Variants in LRRIQ1 observed in about 807,000 individuals in gnomAD.
LRRIQ1 encodes the protein leucine-rich repeat- and IQ domain-containing protein 1.
LRRIQ1 carries 210 observed loss-of-function variants against 211.9 expected under a neutral mutation model. The ratio of observed to expected loss-of-function variants is 0.99; its 90% CI spans 0.89 to 1.11. LRRIQ1 has a LOEUF of 1.11. Ranked by LOEUF, LRRIQ1 falls within the 50% of genes most tolerant of loss-of-function variation. LRRIQ1 has a pLI of 0.00. For missense variants in LRRIQ1, 2,136 were observed against 1,939.5 expected, an observed-to-expected ratio of 1.10 and a Z score of -1.90; for synonymous variants, 699 against 650.1, an observed-to-expected ratio of 1.08 and a Z score of -1.14.
At chr12:85,112,317 A>G (rs1887235772) in intron 15 of LRRIQ1, among the ~76,000 whole-genome samples, 1 of 151,604 alleles carries the variant, frequency 6.6e-6, no homozygotes, top group South Asian at 2.1e-4. Flanking sequence ...TTTTATTTAC[A>G]CATAGTTTTT....
intron 19 of LRRIQ1, among the ~76,000 whole-genome samples, chr12:85,150,084 T>C (rs1890140217): frequency 6.6e-6 from 1 of 151,700 alleles, no homozygotes; most frequent in Admixed American, 6.6e-5. Flanking sequence ...AAAAAGTAGA[T>C]GGTTTGGCAG....
intron 18 of LRRIQ1, among the ~76,000 whole-genome samples, chr12:85,131,727 T>A (rs529215099): frequency 6.6e-6 from 1 of 152,196 alleles, no homozygotes; most frequent in Admixed American, 6.5e-5. Context: ...AAGTATATAG[T>A]ATGCTACAGG....
chr12:85,071,250 A>G (rs932630977), intron 10 of LRRIQ1, among the ~76,000 whole-genome samples: 1 of 151,998 alleles, frequency 6.6e-6, no homozygotes, highest in Non-Finnish European at 1.5e-5. Flanking sequence ...ATCTATATAT[A>G]TGCACGTATC....
rs76349968 is a variant in LRRIQ1, at chr12:85,127,956, A to C, written c.4132A>C (p.Thr1378Pro). Residue 1378 changes from threonine (T) to proline (P), a missense_variant, in exon 18 of 27, where the codon ACT becomes CCT. Physicochemically the swap from Thr to Pro is conservative, Grantham distance 38. Coordinates refer to ENST00000393217, the MANE Select transcript of LRRIQ1 (RefSeq NM_001079910.2). ...GCCAAATTCTTCCATCAAGAATCAG[A>C]CTATTTTAAAGAAAGGAAAAAGAGA... ...GLPNSSIKNQ[T>P]ILKKGKRENI... is the part of the protein sequence containing the mutation. The C allele has an allele frequency of 1.0e-3, 1,693 of 1,613,676 alleles. 17 individuals are homozygous for C. The African/African-American group carries it at 0.02, about 19-fold the overall frequency.
chr12:85,221,343 A>G (rs1261324652), intron 24 of LRRIQ1, among the ~76,000 whole-genome samples: 2 of 152,160 alleles, frequency 1.3e-5, no homozygotes, highest in Admixed American at 6.6e-5. Flanking sequence ...TTATTTCACA[A>G]ATATTTTTGA....
chr12:85,244,204 A>G (rs1227647268), intron 26 of LRRIQ1, among the ~76,000 whole-genome samples: 1 of 151,572 alleles, frequency 6.6e-6, no homozygotes, highest in Non-Finnish European at 1.5e-5. Context: ...AATAATTTTT[A>G]TGTTCATTAA....
At chr12:85,241,274 G>A (rs958251012) in intron 26 of LRRIQ1, among the ~76,000 whole-genome samples, 1 of 151,824 alleles carries the variant, frequency 6.6e-6, no homozygotes, top group Non-Finnish European at 1.5e-5. Context: ...GCACTTTACG[G>A]CATGTACATT....
intron 19 of LRRIQ1, among the ~76,000 whole-genome samples, chr12:85,143,101 C>G (rs1369254492): frequency 6.6e-6 from 1 of 151,492 alleles, no homozygotes; most frequent in Admixed American, 6.6e-5. Context: ...CCCTTTTGTC[C>G]ACATCCTTAC....
intron 24 of LRRIQ1, among the ~76,000 whole-genome samples, chr12:85,207,667 G>A (rs1716517096): frequency 6.6e-6 from 1 of 152,056 alleles, no homozygotes; most frequent in Non-Finnish European, 1.5e-5. Flanking sequence ...TTTTGCACTT[G>A]GGTCTATGAT....
intron 24 of LRRIQ1, among the ~76,000 whole-genome samples, chr12:85,214,298 A>T (rs1893974550): frequency 6.6e-6 from 1 of 152,114 alleles, no homozygotes. Flanking sequence ...AAATTAACTT[A>T]TGACTACAAT....
intron 24 of LRRIQ1, among the ~76,000 whole-genome samples, chr12:85,181,620 T>G (rs1891985423): frequency 6.6e-6 from 1 of 151,972 alleles, no homozygotes; most frequent in Non-Finnish European, 1.5e-5. Flanking sequence ...AAGTCAACAT[T>G]TTATCATCAC....
At chr12:85,248,690 G>T (rs943580337), downstream of LRRIQ1, among the ~76,000 whole-genome samples, 2 of 151,686 alleles carry the variant, frequency 1.3e-5, no homozygotes, top group Non-Finnish European at 2.9e-5. Context: ...AGAAAACATT[G>T]TTCAGAAGAG....
At chr12:85,267,184 C>T (rs1428703819), downstream of LRRIQ1, among the ~76,000 whole-genome samples, 2 of 152,076 alleles carry the variant, frequency 1.3e-5, no homozygotes, top group Admixed American at 1.3e-4. Flanking sequence ...AGATCTAGAT[C>T]AGCATTGTCC....
intron 19 of LRRIQ1, among the ~76,000 whole-genome samples, chr12:85,145,333 A>G (rs1461680443): frequency 6.6e-6 from 1 of 151,696 alleles, no homozygotes; most frequent in Non-Finnish European, 1.5e-5. Context: ...TCAACTGTCC[A>G]TGAAATATTT....
intron 24 of LRRIQ1, among the ~76,000 whole-genome samples, chr12:85,206,591 G>C (rs1893559993): frequency 1.3e-5 from 2 of 152,120 alleles, no homozygotes; most frequent in Admixed American, 6.5e-5. Flanking sequence ...GTGAGGGGGT[G>C]CTCCTGCATG....
intron 18 of LRRIQ1, among the ~76,000 whole-genome samples, chr12:85,134,786 C>A (rs1889007126): frequency 6.6e-6 from 1 of 151,980 alleles, no homozygotes; most frequent in African/African-American, 2.4e-5. Context: ...TTCAAAAGTA[C>A]AGAGAAGATC....
At chr12:85,188,820 G>C (rs1395854585) in intron 24 of LRRIQ1, among the ~76,000 whole-genome samples, 1 of 152,100 alleles carries the variant, frequency 6.6e-6, no homozygotes, top group Admixed American at 6.6e-5. Context: ...GTCAGTGCCA[G>C]TGTCATACAG....
downstream of LRRIQ1, among the ~76,000 whole-genome samples, chr12:85,246,996 A>T (rs1208943251): frequency 2.0e-5 from 3 of 151,524 alleles, no homozygotes; most frequent in African/African-American, 7.2e-5. Context: ...GATCAAATGC[A>T]TACGAGTTAG....
intron 11 of LRRIQ1, among the ~76,000 whole-genome samples, chr12:85,088,371 A>G (rs1885048337): frequency 6.6e-6 from 1 of 152,164 alleles, no homozygotes; most frequent in African/African-American, 2.4e-5. Context: ...GTTTGAAGTC[A>G]GGTAGCATGA....
Sources: gnomAD v4.1 joint callset for allele counts (sites outside exome capture counted in the v4.1 genomes callset) on GRCh38, gnomAD v4.1.1 for gene constraint, MANE v1.5 for transcripts, NCBI Gene and HGNC (gene_info 2026-07-23, HGNC 2026-07-21) for gene names.